SCRIB: variants seen among roughly 807,000 people sequenced by gnomAD.
The protein encoded by SCRIB is scribble planar cell polarity protein.
SCRIB carries 72 observed loss-of-function variants against 170.0 expected under a neutral mutation model. The observed-to-expected ratio is 0.42, with a 90% CI of 0.35 to 0.52. The LOEUF (loss-of-function observed/expected upper bound fraction) is 0.52, where lower values mean the gene tolerates loss of function less well. Ranked by LOEUF, SCRIB falls within the 20% of genes least tolerant of loss-of-function variation. The probability of loss-of-function intolerance (pLI) is 0.02; values close to 1 mark genes in which losing one functional copy is unlikely to be tolerated. For missense variants in SCRIB, 2,475 were observed against 2,338.5 expected (o/e 1.06, Z -1.20); for synonymous variants, 1,298 against 1,044.3 (o/e 1.24, Z -4.68).
At position 143,815,383 on chromosome 8, in the gene SCRIB, G is replaced by C; in HGVS notation, c.-11C>G. 2 of 1,330,296 alleles carry C rather than the reference G, an allele frequency of 1.5e-6. No homozygotes were observed. The highest frequency in any genetic ancestry group is 1.9e-6 in the Non-Finnish European group (2 of 1,032,458). 82.4% of individuals were successfully genotyped at this position (1,330,296 alleles called of 1,614,324 possible). A position where few individuals can be genotyped will look rare whatever the true frequency, so the allele number is the denominator to read the frequency against. On this transcript the variant is annotated 5_prime_UTR_variant, in exon 1 of 37. Transcript: ENST00000356994. ...GATGCACTTGAGCATGGTGCGGGTGGGCGGCGCGGGCTCCGGCGGCGGCGC... is the reference window on the plus strand; with the variant it reads ...GATGCACTTGAGCATGGTGCGGGTGCGCGGCGCGGGCTCCGGCGGCGGCGC...
At position 143,795,330 on chromosome 8, in the gene SCRIB, T is replaced by C. The variant is rs1563790279; in HGVS notation, c.3718A>G (p.Lys1240Glu). Residue 1240 changes from lysine (K) to glutamate (E), a missense_variant, in exon 26 of 37, where the codon AAG becomes GAG. This residue lies in a region of SCRIB where 1,966 missense variants were observed against 1,742.9 expected (regional missense o/e 1.13). Coordinates refer to ENST00000356994, the MANE Select transcript of SCRIB (RefSeq NM_182706.5). ...TGCAGGGTCTGTCCAGGCAGCTCCTTCTCCTGTGAGCAGAGCAGAGCAGAC... is the reference window on the plus strand; with the variant it reads ...TGCAGGGTCTGTCCAGGCAGCTCCTCCTCCTGTGAGCAGAGCAGAGCAGAC... ...ELSPEGPGKEKELPGQTLHWG... is the reference protein window; with the variant it reads ...ELSPEGPGKEEELPGQTLHWG... The C allele has an allele frequency of 1.2e-6, 2 of 1,612,608 alleles. No individual in the cohort carries two copies. The highest frequency in any genetic ancestry group is 1.1e-5 in the South Asian group (1 of 91,066).
intron 29 of SCRIB, 27 bp from the exon 30 acceptor site, chr8:143,792,894 G>T: frequency 6.7e-7 from 1 of 1,503,022 alleles, no homozygotes. Context: ...TTGAGGTTTG[G>T]CTGGCATTCC....
chr8:143,803,210 G>A (rs1815245872), intron 24 of SCRIB, among the ~76,000 whole-genome samples, 173 bp downstream of exon 24: 1 of 152,184 alleles, frequency 6.6e-6, no homozygotes, highest in Non-Finnish European at 1.5e-5. Context: ...GAAAGGGAAG[G>A]CAGGGCCCTC....
chr8:143,808,727 T>A lies in SCRIB; in HGVS notation c.1997A>T (p.Glu666Val), dbSNP rs1554637253. 1 of 1,597,240 alleles carries A rather than the reference T, an allele frequency of 6.3e-7. No homozygotes were observed. Among genetic ancestry groups the A allele is most frequent in the East Asian group, 2.2e-5 (1 of 44,782 alleles). ...RAQKEEEEEE[E>V]GSPQEEEEEE... ...TTCCTCCTCCTCCTGAGGACTACCC[T>A]CTTCCTCCTCCTCCTCCTCCTTCTG... is the stretch of plus-strand genomic sequence containing the variant. The change falls in exon 15 of 37, where the codon GAG becomes GTG. Residue 666 changes from glutamate to valine, a missense_variant. By Grantham distance (121) the Glu-to-Val change is moderately radical. Coordinates refer to ENST00000356994, the MANE Select transcript of SCRIB (RefSeq NM_182706.5).
At chr8:143,803,109 T>A (rs1408428783) in intron 24 of SCRIB, among the ~76,000 whole-genome samples, 2 of 152,018 alleles carry the variant, frequency 1.3e-5, no homozygotes, top group Non-Finnish European at 2.9e-5. Flanking sequence ...ACGTAGTGCG[T>A]CCCAAACACA....
rs1359078066 is a variant in SCRIB, at chr8:143,813,074, G to T, written c.598C>A (p.Arg200=). ...PDTLGALPNL[R]ELWLDRNQLS... ...TGGTTCCGGTCAAGCCACAGCTCCC[G>T]AAGATTGGGCAGAGCCCCCAGAGTG... is the stretch of plus-strand genomic sequence containing the variant. The change falls in exon 7 of 37, where the codon CGG becomes AGG. Residue 200 remains arginine, a synonymous_variant. Transcript: ENST00000356994. 6.3e-7 allele frequency: 1 copy of T among 1,585,162 alleles called. No homozygotes were observed. The highest frequency in any genetic ancestry group is 2.3e-5 in the East Asian group (1 of 43,964).
chr8:143,804,174 G>C lies in SCRIB; in HGVS notation c.3010-18C>G. On this transcript the variant is annotated intron_variant, in intron 21 of 36. Coordinates refer to ENST00000356994, the MANE Select transcript of SCRIB (RefSeq NM_182706.5). ...CGGATCTCCTGGGGATTTAGGGCGG[G>C]ACAAGGACAGGCCTCGGTCAGGACA... 1.3e-6 allele frequency: 2 copies of C among 1,565,840 alleles called. No individual in the cohort carries two copies. The highest frequency in any genetic ancestry group is 1.7e-6 in the Non-Finnish European group (2 of 1,143,518).
At chr8:143,805,621 C>T (rs944861148) in intron 18 of SCRIB, among the ~76,000 whole-genome samples, 186 bp from the exon 19 acceptor site, 1 of 152,224 alleles carries the variant, frequency 6.6e-6, no homozygotes, top group African/African-American at 2.4e-5. Flanking sequence ...GACCCCTCCC[C>T]TACCAGGTCC....
chr8:143,813,543 G>A lies in SCRIB; in HGVS notation c.447-17C>T. On this transcript the variant is annotated splice_polypyrimidine_tract_variant and intron_variant, in intron 4 of 36. Coordinates refer to ENST00000356994, the MANE Select transcript of SCRIB (RefSeq NM_182706.5). ...TTGGCGAGGCTGAAAGAGAGACCAG[G>A]CGCTGGGGCAAGAGGAAGGAAAGCA... 2 of 1,613,216 alleles carry A rather than the reference G, an allele frequency of 1.2e-6. No homozygotes were observed. The highest frequency in any genetic ancestry group is 1.7e-6 in the Non-Finnish European group (2 of 1,179,930).
chr8:143,804,935 G>A lies in SCRIB; in HGVS notation c.2750C>T (p.Ser917Phe), dbSNP rs782112954. Residue 917 changes from serine (S) to phenylalanine (F), a missense_variant and splice_region_variant, in exon 20 of 37, where the codon TCT becomes TTT. Ser to Phe is a radical substitution (Grantham distance 155). Coordinates refer to ENST00000356994, the MANE Select transcript of SCRIB (RefSeq NM_182706.5). Reference protein sequence around the residue: ...GTLQVGDRVLSINGVDVTEAR... With the variant: ...GTLQVGDRVLFINGVDVTEAR... Reference sequence around the variant, plus strand: ...GGGCGGGGCCCCATCCCCACTCACAGAGAGGACGCGGTCGCCAACCTGCAG... The same window carrying A: ...GGGCGGGGCCCCATCCCCACTCACAAAGAGGACGCGGTCGCCAACCTGCAG... The A allele has an allele frequency of 1.3e-6, 2 of 1,555,168 alleles. No homozygotes were observed. The highest frequency in any genetic ancestry group is 2.7e-5 in the African/African-American group (2 of 74,280).
At chr8:143,815,140 G>C in intron 1 of SCRIB, 74 bp downstream of exon 1, 1 of 1,412,604 alleles carries the variant, frequency 7.1e-7, no homozygotes, top group Non-Finnish European at 9.3e-7. Flanking sequence ...TGACTCGCCC[G>C]GGCAGATTCT....
chr8:143,799,978 G>A (rs186652098), intron 24 of SCRIB, among the ~76,000 whole-genome samples: 1 of 152,036 alleles, frequency 6.6e-6, no homozygotes, highest in African/African-American at 2.4e-5. Context: ...AGACACAGAT[G>A]AGTCCAGTGG....
At chr8:143,793,811 C>T in intron 28 of SCRIB, 89 bp downstream of exon 28, 1 of 1,330,196 alleles carries the variant, frequency 7.5e-7, no homozygotes, top group African/African-American at 1.4e-5. Context: ...CCTGACCCCC[C>T]ATCCCTGGAG....
intron 24 of SCRIB, among the ~76,000 whole-genome samples, chr8:143,798,628 G>A (rs1554634486): frequency 6.6e-6 from 1 of 152,196 alleles, no homozygotes; most frequent in Non-Finnish European, 1.5e-5. Flanking sequence ...ATTAAGGAAA[G>A]ATTTTATGAG....
chr8:143,790,930 T>C lies in SCRIB; in HGVS notation c.*233A>G, dbSNP rs1587500898. 2.4e-6 allele frequency: 1 copy of C among 420,090 alleles called. No individual in the cohort carries two copies. The highest frequency in any genetic ancestry group is 4.1e-6 in the Non-Finnish European group (1 of 244,796). 26.0% of individuals were successfully genotyped at this position (420,090 alleles called of 1,614,324 possible). A position where few individuals can be genotyped will look rare whatever the true frequency, so the allele number is the denominator to read the frequency against. Reference sequence around the variant, plus strand: ...ATGGACAGGCAGACGGGAGGTAAAATGTAGTCAACTTTATTCTCCTTAAAC... The same window carrying C: ...ATGGACAGGCAGACGGGAGGTAAAACGTAGTCAACTTTATTCTCCTTAAAC... On this transcript the variant is annotated 3_prime_UTR_variant, in exon 37 of 37. Coordinates refer to ENST00000356994, the MANE Select transcript of SCRIB (RefSeq NM_182706.5).
At chr8:143,796,733 A>G (rs943626987) in intron 24 of SCRIB, among the ~76,000 whole-genome samples, 1 of 152,172 alleles carries the variant, frequency 6.6e-6, no homozygotes, top group Non-Finnish European at 1.5e-5. Flanking sequence ...ACAAACAACA[A>G]ACAAGGTGCC....
chr8:143,804,881 C>T (rs1374636949), intron 20 of SCRIB, 53 bp downstream of exon 20: 24 of 282,418 alleles, frequency 8.5e-5, no homozygotes, highest in East Asian at 8.8e-4. Context: ...ACAGAGGGCG[C>T]GGGGCGGGGC....
intron 6 of SCRIB, 51 bp from the exon 7 acceptor site, chr8:143,813,155 G>A (rs766973840): frequency 3.8e-6 from 6 of 1,576,996 alleles, no homozygotes; most frequent in South Asian, 2.3e-5. Context: ...GCCTCCTGCT[G>A]CGCCGTGCTC....
intron 15 of SCRIB, 89 bp downstream of exon 15, chr8:143,808,520 T>G: frequency 2.1e-6 from 3 of 1,433,956 alleles, no homozygotes; most frequent in South Asian, 1.7e-5. Flanking sequence ...GGCCAGTGGG[T>G]CAGGCCTCGG....
Sources: allele counts gnomAD v4.1 joint callset (sites outside exome capture counted in the v4.1 genomes callset), GRCh38; gene constraint gnomAD v4.1.1; regional missense constraint gnomAD v4.1.1; transcripts MANE v1.5; gene names NCBI Gene and HGNC (gene_info 2026-07-23, HGNC 2026-07-21).